Variants in CSMD3 observed in about 807,000 individuals in gnomAD.
CSMD3 encodes CUB and Sushi multiple domains 3.
CSMD3 carries 177 observed loss-of-function variants against 435.2 expected under a neutral mutation model. The observed-to-expected ratio is 0.41, with a 90% CI of 0.36 to 0.46. The LOEUF is 0.46. CSMD3 is among the 20% of genes least tolerant of loss of function. The probability of loss-of-function intolerance (pLI) is 0.34; values close to 1 mark genes in which losing one functional copy is unlikely to be tolerated. For synonymous variants in CSMD3, 1,656 were observed against 1,520.5 expected, an observed-to-expected ratio of 1.09 and a Z score of -2.07; for missense variants, 4,265 against 4,504.6, an observed-to-expected ratio of 0.95 and a Z score of 1.52.
intron 1 of CSMD3, among the ~76,000 whole-genome samples, chr8:113,423,528 C>T (rs1179691623): frequency 4.6e-5 from 7 of 151,920 alleles, no homozygotes; most frequent in Admixed American, 4.6e-4. Context: ...AAAGGCAGCA[C>T]AGAGATATAT....
At chr8:113,205,000 T>TG (rs2092755578) in intron 3 of CSMD3, among the ~76,000 whole-genome samples, 1 of 150,690 alleles carries the variant, frequency 6.6e-6, no homozygotes, top group Non-Finnish European at 1.5e-5. Context: ...TTTTTTTTTT[T>TG]GGAGACAAAG....
chr8:113,278,797 A>C, intron 2 of CSMD3, 93 bp from the exon 3 acceptor site: 1 of 699,366 alleles, frequency 1.4e-6, no homozygotes. Context: ...AAAATAATAA[A>C]ACAGATTTTC....
At chr8:113,367,636 G>T (rs745491526) in intron 1 of CSMD3, among the ~76,000 whole-genome samples, 1 of 152,090 alleles carries the variant, frequency 6.6e-6, no homozygotes, top group African/African-American at 2.4e-5. Flanking sequence ...TACACCATAC[G>T]CCTTCTTGCT....
chr8:112,550,893 C>T lies in CSMD3; in HGVS notation c.4362-20G>A. 6.4e-7 allele frequency: 1 copy of T among 1,560,748 alleles called. No homozygotes were observed. The highest frequency in any genetic ancestry group is 8.8e-7 in the Non-Finnish European group (1 of 1,131,966). On this transcript the variant is annotated intron_variant, in intron 26 of 70. Coordinates refer to ENST00000297405, the MANE Select transcript of CSMD3 (RefSeq NM_198123.2). ...TGCAAGCTGTGGGAGAACCATATTT[C>T]TCTGATTATTTTAAACAAGGATTCA... is the stretch of plus-strand genomic sequence containing the variant.
At chr8:113,395,498 A>G (rs1330053659) in intron 1 of CSMD3, among the ~76,000 whole-genome samples, 1 of 151,522 alleles carries the variant, frequency 6.6e-6, no homozygotes, top group African/African-American at 2.4e-5. Flanking sequence ...AGTCCCAGCT[A>G]TTCGGGAGGC....
At chr8:112,902,146 G>A (rs2082122640) in intron 10 of CSMD3, among the ~76,000 whole-genome samples, 1 of 151,136 alleles carries the variant, frequency 6.6e-6, no homozygotes, top group Non-Finnish European at 1.5e-5. Flanking sequence ...TACCCACTGG[G>A]CTTCTGGCAA....
intron 31 of CSMD3, among the ~76,000 whole-genome samples, chr8:112,481,968 G>A (rs903923030): frequency 1.3e-5 from 2 of 151,590 alleles, no homozygotes; most frequent in Non-Finnish European, 2.9e-5. Flanking sequence ...CATTACATGT[G>A]AATTGACTTT....
At chr8:112,984,834 CA>C (rs985150959) in intron 6 of CSMD3, among the ~76,000 whole-genome samples, 1 of 152,030 alleles carries the variant, frequency 6.6e-6, no homozygotes, top group African/African-American at 2.4e-5. Flanking sequence ...TTTTCTACAC[CA>C]ATGAGAATGG....
chr8:112,902,998 C>A (rs1198151821), intron 10 of CSMD3, among the ~76,000 whole-genome samples: 1 of 150,976 alleles, frequency 6.6e-6, no homozygotes, highest in Admixed American at 6.6e-5. Context: ...TGCTTCTCAG[C>A]TACTTTCCAG....
Position 112,879,848 on chromosome 8 carries a change from C to G in CSMD3, c.1634-20582G>C, listed in dbSNP as rs937690780. ...GAAAACCAAACACCATACGTTCTCA[C>G]TTATAAGTGAGAGTTGAACAATGAG... On this transcript the variant is annotated intron_variant, in intron 10 of 70. Coordinates refer to ENST00000297405, the MANE Select transcript of CSMD3 (RefSeq NM_198123.2). Among the ~76,000 whole-genome samples the G allele has an allele frequency of 4.6e-5, 7 of 152,002 alleles. 1 individual carries two copies. The highest frequency in any genetic ancestry group is 3.9e-4 in the Admixed American group (6 of 15,232).
intron 63 of CSMD3, among the ~76,000 whole-genome samples, chr8:112,251,194 A>G (rs1010483110): frequency 1.3e-5 from 2 of 151,770 alleles, no homozygotes. Context: ...TAAGGTCTCA[A>G]AAACGTATAT....
intron 53 of CSMD3, among the ~76,000 whole-genome samples, chr8:112,300,820 AAAT>A (rs1159165956): frequency 7.4e-4 from 112 of 152,304 alleles, no homozygotes; most frequent in African/African-American, 2.6e-3. Context: ...TTGAAATTTC[AAAT>A]AATGATTGTA....
intron 4 of CSMD3, among the ~76,000 whole-genome samples, chr8:113,125,631 G>A (rs1030219351): frequency 1.3e-5 from 2 of 151,940 alleles, no homozygotes; most frequent in African/African-American, 4.8e-5. Flanking sequence ...TAGTAAAGAA[G>A]AGTGGGAAGG....
intron 6 of CSMD3, among the ~76,000 whole-genome samples, chr8:112,976,442 A>G (rs1382888130): frequency 6.6e-6 from 1 of 152,122 alleles, no homozygotes; most frequent in Non-Finnish European, 1.5e-5. Flanking sequence ...AATCTTTTAA[A>G]AAAATCTACA....
chr8:113,111,134 A>G (rs1057023730), intron 4 of CSMD3, among the ~76,000 whole-genome samples: 1 of 152,176 alleles, frequency 6.6e-6, no homozygotes, highest in Non-Finnish European at 1.5e-5. Flanking sequence ...ACAGCATGGG[A>G]CAAGGGAAAA....
At chr8:112,978,183 A>G (rs1247471436) in intron 6 of CSMD3, among the ~76,000 whole-genome samples, 1 of 152,074 alleles carries the variant, frequency 6.6e-6, no homozygotes, top group African/African-American at 2.4e-5. Context: ...ACTATTAACT[A>G]TAAACATATG....
intron 13 of CSMD3, among the ~76,000 whole-genome samples, chr8:112,774,494 C>T (rs1052018008): frequency 3.3e-5 from 5 of 151,968 alleles, no homozygotes; most frequent in East Asian, 1.9e-4. Context: ...TTATGCCTCA[C>T]GGTGAAATTA....
chr8:113,254,173 A>G (rs749583578), intron 3 of CSMD3, among the ~76,000 whole-genome samples: 3 of 80,510 alleles, frequency 3.7e-5, no homozygotes, highest in East Asian at 1.6e-3. Context: ...GTGATACAGA[A>G]GCAAAAAAGA....
intron 27 of CSMD3, among the ~76,000 whole-genome samples, chr8:112,532,111 C>A (rs1825598191): frequency 1.5e-5 from 2 of 137,426 alleles, no homozygotes; most frequent in Admixed American, 1.4e-4. Flanking sequence ...TAGAGTGTCT[C>A]AACAGCAGAA....
Sources: allele counts gnomAD v4.1 joint callset (sites outside exome capture counted in the v4.1 genomes callset), GRCh38; gene constraint gnomAD v4.1.1; transcripts MANE v1.5; gene names NCBI Gene and HGNC (gene_info 2026-07-23, HGNC 2026-07-21).